The following ITPRID1 variants were observed in gnomAD, a reference collection of about 807,000 sequenced individuals.
ITPRID1 encodes the protein ITPR interacting domain containing 1, also known as protein ITPRID1.
A neutral mutation model predicts 95.4 loss-of-function variants in ITPRID1; 96 were observed. That is an observed-to-expected ratio of 1.01 (90% CI 0.85 to 1.19). ITPRID1 has a LOEUF of 1.19. ITPRID1 is among the 50% of genes most tolerant of loss of function. The pLI is 0.00. For synonymous variants in ITPRID1, 510 were observed against 453.6 expected (o/e 1.12, Z -1.58); for missense variants, 1,339 against 1,252.9 (o/e 1.07, Z -1.04).
In ITPRID1 at chr7:31,637,004, C is replaced by T. The variant is rs183109888; in HGVS notation, c.1229-5172C>T. On this transcript the variant is annotated intron_variant, in intron 10 of 14. Transcript: ENST00000615280. ...TGCGGTGTTTGGTTTTTCATCCTTG[C>T]GATAGTTTGCTGAGAATGATGGTTT... Among the ~76,000 whole-genome samples, 60 of 150,948 alleles carry T rather than the reference C, an allele frequency of 4.0e-4. No individual in the cohort carries two copies. In the South Asian group the frequency reaches 0.011, roughly 27 times the overall value.
At chr7:31,594,367 A>G (rs1451052518) in intron 10 of ITPRID1, among the ~76,000 whole-genome samples, 2 of 152,194 alleles carry the variant, frequency 1.3e-5, no homozygotes, top group African/African-American at 4.8e-5. Flanking sequence ...CTACTGGGGG[A>G]AAGGCATGCA....
chr7:31,643,928 A>G lies in ITPRID1; in HGVS notation c.2558A>G (p.Asp853Gly). The G allele has an allele frequency of 1.2e-6, 2 of 1,613,158 alleles. No homozygotes were observed. Among genetic ancestry groups the G allele is most frequent in the South Asian group, 2.2e-5 (2 of 90,994 alleles). ...ATGACGACTTTGAAAGCCCTTCAGG[A>G]CACTACAGTGAGGGAGCTATGTTCC... ...QFMTTLKALQ[D>G]TTVRELCSCT... The change falls in exon 12 of 15, where the codon GAC becomes GGC. Residue 853 changes from aspartate to glycine, a missense_variant. Physicochemically the swap from Asp to Gly is moderately conservative, Grantham distance 94 (BLOSUM62 -1). Coordinates refer to ENST00000615280, the MANE Select transcript of ITPRID1 (RefSeq NM_001257967.3).
chr7:31,554,161 T>C (rs1012958987), intron 3 of ITPRID1, among the ~76,000 whole-genome samples: 30 of 152,194 alleles, frequency 2.0e-4, no homozygotes, highest in African/African-American at 7.0e-4. Flanking sequence ...TCACCCTTTG[T>C]ATTCACACCA....
intron 10 of ITPRID1, among the ~76,000 whole-genome samples, chr7:31,640,867 G>A (rs1002416509): frequency 2.0e-5 from 3 of 152,062 alleles, no homozygotes; most frequent in Non-Finnish European, 4.4e-5. Flanking sequence ...AATCTCTCTA[G>A]GATTGAGCTA....
chr7:31,586,365 T>G (rs1785607394), intron 10 of ITPRID1, among the ~76,000 whole-genome samples: 1 of 151,386 alleles, frequency 6.6e-6, no homozygotes, highest in Non-Finnish European at 1.5e-5. Flanking sequence ...AGTAATGGGA[T>G]GGCTGGGTCA....
chr7:31,599,696 CTT>C (rs1157668218), intron 10 of ITPRID1, among the ~76,000 whole-genome samples: 7 of 134,678 alleles, frequency 5.2e-5, no homozygotes, highest in South Asian at 2.4e-4. Context: ...CTCTCTCTTT[CTT>C]TCTTTCTTTC....
intron 10 of ITPRID1, among the ~76,000 whole-genome samples, chr7:31,635,932 AAAT>A (rs1789444475): frequency 6.6e-6 from 1 of 152,098 alleles, no homozygotes; most frequent in African/African-American, 2.4e-5. Context: ...CTGGAACTTA[AAAT>A]AATTTTTTTT....
intron 10 of ITPRID1, among the ~76,000 whole-genome samples, chr7:31,584,512 C>A (rs766155823): frequency 6.6e-6 from 1 of 152,004 alleles, no homozygotes. Flanking sequence ...TCAATTAATA[C>A]CATGTAAGTC....
Position 31,642,846 on chromosome 7 carries a change from C to G in ITPRID1, c.1476C>G (p.Ala492=). The G allele has an allele frequency of 6.2e-7, 1 of 1,614,008 alleles. No homozygotes were observed. The highest frequency in any genetic ancestry group is 8.5e-7 in the Non-Finnish European group (1 of 1,179,886). ...SMSFSSQEAN[A]LEQRASVSVM... ...CTTTTTCAAGCCAAGAAGCGAATGC[C>G]TTGGAACAAAGGGCCTCAGTATCTG... The change falls in exon 12 of 15, where the codon GCC becomes GCG. Residue 492 remains alanine (A), a synonymous_variant. Transcript: ENST00000615280.
intron 10 of ITPRID1, among the ~76,000 whole-genome samples, chr7:31,605,946 C>A (rs1435960410): frequency 6.6e-6 from 1 of 152,188 alleles, no homozygotes; most frequent in African/African-American, 2.4e-5. Context: ...TTAGCATGTG[C>A]AATTTGCCCA....
chr7:31,528,713 T>G (rs951997166), intron 1 of ITPRID1, among the ~76,000 whole-genome samples: 1 of 152,144 alleles, frequency 6.6e-6, no homozygotes, highest in Non-Finnish European at 1.5e-5. Flanking sequence ...CGAGCTGTCA[T>G]AGAGGAAGAG....
chr7:31,611,425 G>C (rs1583570788), intron 10 of ITPRID1, among the ~76,000 whole-genome samples: 1 of 151,718 alleles, frequency 6.6e-6, no homozygotes, highest in African/African-American at 2.4e-5. Flanking sequence ...TTTAATGAGT[G>C]CTGTTTATTT....
chr7:31,608,683 A>G (rs1273826929), intron 10 of ITPRID1, among the ~76,000 whole-genome samples: 1 of 151,788 alleles, frequency 6.6e-6, no homozygotes, highest in African/African-American at 2.4e-5. Flanking sequence ...TGTAGAAATA[A>G]AATTATTTTT....
chr7:31,585,839 T>A (rs1473780245), intron 10 of ITPRID1, among the ~76,000 whole-genome samples: 1 of 152,180 alleles, frequency 6.6e-6, no homozygotes, highest in African/African-American at 2.4e-5. Flanking sequence ...CAAATCTTTT[T>A]TTTTTATTAT....
intron 8 of ITPRID1, among the ~76,000 whole-genome samples, chr7:31,577,289 G>A (rs1392227748): frequency 6.6e-6 from 1 of 152,188 alleles, no homozygotes; most frequent in Non-Finnish European, 1.5e-5. Flanking sequence ...TTTACTATGT[G>A]CCTGGCATGG....
intron 10 of ITPRID1, among the ~76,000 whole-genome samples, chr7:31,628,159 A>G (rs1404380082): frequency 6.6e-6 from 1 of 152,224 alleles, no homozygotes; most frequent in Non-Finnish European, 1.5e-5. Flanking sequence ...CATTTTCAAA[A>G]AGTGCCCTGA....
chr7:31,519,612 C>CTATATATA (rs1271078923), intron 1 of ITPRID1, among the ~76,000 whole-genome samples: 2 of 46,878 alleles, frequency 4.3e-5, no homozygotes, highest in African/African-American at 1.7e-4. Context: ...CTCTCTCTCT[C>CTATATATA]TCTCTCTCTA....
chr7:31,628,927 T>A (rs1176524036), intron 10 of ITPRID1, among the ~76,000 whole-genome samples: 1 of 152,092 alleles, frequency 6.6e-6, no homozygotes, highest in Non-Finnish European at 1.5e-5. Flanking sequence ...CCAGCTAGCT[T>A]CACAAGAGGA....
rs201515522 is a variant in ITPRID1, at chr7:31,523,404, TTGA to T, written c.-98+9289_-98+9291del. Reference sequence around the variant, plus strand: ...CAAGGGTGTCACGTGAAGAGCTGCCTTGATGATATCCCTAAAGTAACTCCCAAC... The same window carrying T: ...CAAGGGTGTCACGTGAAGAGCTGCCTTGATATCCCTAAAGTAACTCCCAAC... On this transcript the variant is annotated intron_variant, in intron 1 of 14. Transcript: ENST00000615280. 8.5e-5 allele frequency among the ~76,000 whole-genome samples: 13 copies of T among 152,362 alleles called. No individual in the cohort carries two copies. In the East Asian group the frequency reaches 2.5e-3, roughly 29 times the overall value.
Sources: gnomAD v4.1 joint callset for allele counts (sites outside exome capture counted in the v4.1 genomes callset) on GRCh38, gnomAD v4.1.1 for gene constraint, MANE v1.5 for transcripts, NCBI Gene and HGNC (gene_info 2026-07-23, HGNC 2026-07-21) for gene names.